CHRD: variants seen among roughly 807,000 people sequenced by gnomAD.
CHRD encodes chordin.
Under a neutral mutation model 113.7 loss-of-function variants are expected in CHRD, and 69 were observed. The ratio of observed to expected loss-of-function variants is 0.61; its 90% CI spans 0.50 to 0.74. The LOEUF (loss-of-function observed/expected upper bound fraction) is 0.74, where lower values mean the gene tolerates loss of function less well. Among genes scored for constraint, CHRD ranks in the 30% least tolerant of loss-of-function variants. The pLI, the probability that CHRD is intolerant of heterozygous loss-of-function variation, is 0.00. For missense variants in CHRD, 1,194 were observed against 1,295.8 expected (o/e 0.92, Z 1.21); for synonymous variants, 561 against 540.8 (o/e 1.04, Z -0.52).
chr3:184,386,947 C>A lies in CHRD; in HGVS notation c.2290+9C>A, dbSNP rs1716413779. The A allele has an allele frequency of 1.2e-6, 2 of 1,614,078 alleles. No individual in the cohort carries two copies. The highest frequency in any genetic ancestry group is 1.7e-6 in the Non-Finnish European group (2 of 1,180,032). On this transcript the variant is annotated intron_variant, in intron 17 of 22. Transcript: ENST00000204604. Reference sequence around the variant, plus strand: ...CTGCCCTGTTTGCCCTGGTGAGTTCCCCGCAGGGGAGTGGAGGGAGGAGTT... The same window carrying A: ...CTGCCCTGTTTGCCCTGGTGAGTTCACCGCAGGGGAGTGGAGGGAGGAGTT...
At position 184,382,845 on chromosome 3, in the gene CHRD, C is replaced by T. The variant is rs747124141; in HGVS notation, c.983-11C>T. The T allele has an allele frequency of 6.0e-5, 96 of 1,612,022 alleles. No individual in the cohort carries two copies. Among genetic ancestry groups the T allele is most frequent in the Non-Finnish European group, 8.1e-5 (96 of 1,178,768 alleles). On this transcript the variant is annotated splice_polypyrimidine_tract_variant and intron_variant, in intron 8 of 22. Coordinates refer to ENST00000204604, the Ensembl canonical transcript of CHRD. ...CCTGTCTCAGAAAGGCCCACATGTG[C>T]GGCCTTGCAGGACTAACCCAGGTTC...
In CHRD at chr3:184,384,284, G is replaced by GT. The variant is rs1212600539; in HGVS notation, c.1441-248dup. 6.6e-6 allele frequency among the ~76,000 whole-genome samples: 1 copy of GT among 152,216 alleles called. No individual in the cohort carries two copies. Among genetic ancestry groups the GT allele is most frequent in the African/African-American group, 2.4e-5 (1 of 41,442 alleles). On this transcript the variant is annotated intron_variant, in intron 12 of 22. Transcript: ENST00000204604. This position sits in a 1 kb window ranked among gnomAD's most constrained non-coding sequence, Gnocchi z 4.4. ...GGTGCTGCATTGGTGGCCTTACATA[G>GT]TTTTTGGCTTTCACAGTATCCATTT...
exon 12 of CHRD, chr3:184,383,597 C>G: frequency 1.9e-6 from 3 of 1,613,992 alleles, no homozygotes; most frequent in Non-Finnish European, 2.5e-6. Flanking sequence ...GGGATCAGCG[C>G]ACTGTCCTGT....
exon 23 of CHRD, chr3:184,389,553 C>T (rs889514686): frequency 1.3e-6 from 1 of 753,554 alleles, no homozygotes; most frequent in African/African-American, 1.7e-5. Flanking sequence ...TCTACTCCCA[C>T]CCCCACTACC....
chr3:184,384,741 T>G lies in CHRD; in HGVS notation c.1597+48T>G. 6.6e-7 allele frequency: 1 copy of G among 1,504,754 alleles called. No individual in the cohort carries two copies. The highest frequency in any genetic ancestry group is 8.9e-7 in the Non-Finnish European group (1 of 1,127,678). The allele number at this position is 1,504,754 out of a possible 1,614,324, so 93.2% of individuals were successfully genotyped here. Reference sequence around the variant, plus strand: ...CTGCCCTTTGGTTTCCTAGAACATTTGAGGGATGGTGGCAGACAGCCGGAG... The same window carrying G: ...CTGCCCTTTGGTTTCCTAGAACATTGGAGGGATGGTGGCAGACAGCCGGAG... On this transcript the variant is annotated intron_variant, in intron 13 of 22. Coordinates refer to ENST00000204604, the Ensembl canonical transcript of CHRD. The surrounding 1 kb of genome is among the most constrained non-coding windows in gnomAD (Gnocchi z 4.4).
intron 11 of CHRD, 23 bp downstream of exon 11, chr3:184,383,441 G>T (rs760011049): frequency 2.6e-5 from 42 of 1,613,366 alleles, no homozygotes; most frequent in Non-Finnish European, 3.5e-5. Context: ...GGCTGCAGAA[G>T]GTGGGGGAGG....
exon 9 of CHRD, chr3:184,382,937 A>G (rs1422746627): frequency 1.2e-6 from 2 of 1,613,896 alleles, no homozygotes; most frequent in Non-Finnish European, 1.7e-6. Context: ...GTCTCAGCCC[A>G]GGTGAGTGGG....
chr3:184,383,365 G>C (rs778615801), exon 11 of CHRD: 1 of 1,613,984 alleles, frequency 6.2e-7, no homozygotes, highest in South Asian at 1.1e-5. Flanking sequence ...CCAGACGGGT[G>C]CTGCCGGCTC....
Position 184,382,307 on chromosome 3 carries a change from T to C in CHRD, c.700-82T>C, listed in dbSNP as rs1715562223. The C allele has an allele frequency of 1.8e-5, 29 of 1,585,812 alleles. No homozygotes were observed. In the South Asian group the frequency reaches 2.6e-4, roughly 14 times the overall value. On this transcript the variant is annotated intron_variant, in intron 6 of 22. Coordinates refer to ENST00000204604, the Ensembl canonical transcript of CHRD. ...TGGAGGTTCCTTTCCATGTTCCTTTTTCATAAGCCCTGCCTGGGCATCCTA... is the reference window on the plus strand; with the variant it reads ...TGGAGGTTCCTTTCCATGTTCCTTTCTCATAAGCCCTGCCTGGGCATCCTA...
Position 184,387,361 on chromosome 3 carries a change from T to C in CHRD, c.2348-13T>C. On this transcript the variant is annotated splice_polypyrimidine_tract_variant and intron_variant, in intron 18 of 22. Transcript: ENST00000204604. The surrounding 1 kb of genome is among the most constrained non-coding windows in gnomAD (Gnocchi z 6.1). ...GCTCATACTAATGGCTGCTGGGCCC[T>C]GTTCCCCACCAGGCTGCTATTTTGA... The C allele has an allele frequency of 6.2e-7, 1 of 1,603,234 alleles. No individual in the cohort carries two copies. Among genetic ancestry groups the C allele is most frequent in the South Asian group, 1.1e-5 (1 of 89,002 alleles).
exon 7 of CHRD, chr3:184,382,433 C>T: frequency 6.2e-7 from 1 of 1,614,106 alleles, no homozygotes; most frequent in Non-Finnish European, 8.5e-7. Flanking sequence ...CTCTGCGGCT[C>T]CTTAGGGCAG....
Position 184,387,194 on chromosome 3 carries a change from T to C in CHRD, c.2347+87T>C, listed in dbSNP as rs778947737. On this transcript the variant is annotated intron_variant, in intron 18 of 22. Coordinates refer to ENST00000204604, the Ensembl canonical transcript of CHRD. This position sits in a 1 kb window ranked among gnomAD's most constrained non-coding sequence, Gnocchi z 6.1. ...AGGGGGACAAGAAGGGGAGAGTATATAGGGGGTGGCCTGAGGGGCACAGAT... is the reference window on the plus strand; with the variant it reads ...AGGGGGACAAGAAGGGGAGAGTATACAGGGGGTGGCCTGAGGGGCACAGAT... The C allele has an allele frequency of 5.8e-6, 8 of 1,391,214 alleles. No homozygotes were observed. Among genetic ancestry groups the C allele is most frequent in the Non-Finnish European group, 8.1e-6 (8 of 982,422 alleles). 86.2% of individuals were successfully genotyped at this position (1,391,214 alleles called of 1,614,324 possible). A position where few individuals can be genotyped will look rare whatever the true frequency, so the allele number is the denominator to read the frequency against.
At position 184,380,377 on chromosome 3, in the gene CHRD, G is replaced by A; in HGVS notation, c.59G>A (p.Gly20Asp). The stretch of plus-strand genomic sequence containing the variant: ...CTGCTCCTCGGGCTGCTGCTGCTCG[G>A]CTCCCGGCCGGCCCGCGGCGCCGGC... The change falls in exon 1 of 23, where the codon GGC (glycine) becomes GAC (aspartate). Residue 20 changes from glycine (G) to aspartate (D), a missense_variant. By Grantham distance (94) the Gly-to-Asp change is moderately conservative. Coordinates refer to ENST00000204604, the Ensembl canonical transcript of CHRD. This position sits in a 1 kb window ranked among gnomAD's most constrained non-coding sequence, Gnocchi z 6.3. 7.4e-7 allele frequency: 1 copy of A among 1,344,540 alleles called. No individual in the cohort carries two copies. The highest frequency in any genetic ancestry group is 9.6e-7 in the Non-Finnish European group (1 of 1,038,028). 83.3% of individuals were successfully genotyped at this position (1,344,540 alleles called of 1,614,324 possible). A position where few individuals can be genotyped will look rare whatever the true frequency, so the allele number is the denominator to read the frequency against.
exon 15 of CHRD, chr3:184,386,103 A>G (rs200407417): frequency 1.2e-6 from 2 of 1,614,234 alleles, no homozygotes; most frequent in East Asian, 2.2e-5. Context: ...GGCAAAAGGC[A>G]TGGCCTCCCT....
chr3:184,386,270 A>G, intron 15 of CHRD, 111 bp downstream of exon 15: 2 of 1,292,058 alleles, frequency 1.5e-6, no homozygotes, highest in South Asian at 1.3e-5. Flanking sequence ...GGGTGGTCGT[A>G]TCACAGCGCC....
chr3:184,383,103 T>C (rs1378480594), exon 10 of CHRD: 1 of 1,605,826 alleles, frequency 6.2e-7, no homozygotes, highest in African/African-American at 1.4e-5. Flanking sequence ...GGCCCTGGAG[T>C]GGGCAGGCAG....
At position 184,383,018 on chromosome 3, in the gene CHRD, A is replaced by C. The variant is rs763851446; in HGVS notation, c.1068A>C (p.Glu356Asp). 2.5e-6 allele frequency: 4 copies of C among 1,612,650 alleles called. No homozygotes were observed. In the Admixed American group the frequency reaches 6.7e-5, roughly 27 times the overall value. Residue 356 changes from glutamate (E) to aspartate (D), a missense_variant and splice_region_variant, in exon 10 of 23, where the codon GAA (glutamate) becomes GAC (aspartate). Coordinates refer to ENST00000204604, the Ensembl canonical transcript of CHRD. ...ATCACACCCTGCTCTGTCCCCAGGA[A>C]CCAGGCTTTGCTGAGGTGCTGCCCA...
At chr3:184,386,192 G>C in intron 15 of CHRD, 33 bp downstream of exon 15, 1 of 1,602,794 alleles carries the variant, frequency 6.2e-7, no homozygotes, top group African/African-American at 1.3e-5. Context: ...GGGGGCAGTG[G>C]GGAGGGTGCA....
chr3:184,388,253 A>G lies in CHRD; in HGVS notation c.2554+220A>G, dbSNP rs1461127057. 6.6e-6 allele frequency among the ~76,000 whole-genome samples: 1 copy of G among 151,022 alleles called. No individual in the cohort carries two copies. The highest frequency in any genetic ancestry group is 1.9e-4 in the East Asian group (1 of 5,144). On this transcript the variant is annotated intron_variant, in intron 20 of 22. Transcript: ENST00000204604. The surrounding 1 kb of genome is among the most constrained non-coding windows in gnomAD (Gnocchi z 6.1). ...CATCCATCCGTCCATCCATCCATCC[A>G]TCCATCCATCCATCCATCCATCCAT...
Sources: gnomAD v4.1 joint callset for allele counts (sites outside exome capture counted in the v4.1 genomes callset) on GRCh38, gnomAD v4.1.1 for gene constraint, Gnocchi (gnomAD v3.1) non-coding constraint, MANE v1.5 for transcripts, NCBI Gene and HGNC (gene_info 2026-07-23, HGNC 2026-07-21) for gene names.